The following ANKFN1 variants were observed in gnomAD, a reference collection of about 807,000 sequenced individuals.
ANKFN1 encodes ankyrin repeat and fibronectin type III domain containing 1.
A neutral mutation model predicts 108.7 loss-of-function variants in ANKFN1; 74 were observed. The ratio of observed to expected loss-of-function variants is 0.68; its 90% CI spans 0.56 to 0.83. ANKFN1 has a LOEUF of 0.83. ANKFN1 is among the 40% of genes least tolerant of loss of function. The pLI, the probability that ANKFN1 is intolerant of heterozygous loss-of-function variation, is 0.00. For missense variants in ANKFN1, 1,505 were observed against 1,382.3 expected (o/e 1.09, Z -1.41); for synonymous variants, 547 against 516.2 (o/e 1.06, Z -0.81).
chr17:56,466,281 G>C (rs1030701446), intron 14 of ANKFN1, 75 bp from the exon 15 acceptor site: 1 of 1,279,996 alleles, frequency 7.8e-7, no homozygotes, highest in Non-Finnish European at 1.1e-6. Context: ...TATTATTCAC[G>C]GTGTCTTTTG....
Position 56,482,609 on chromosome 17 carries a change from A to G in ANKFN1, c.2260+85A>G, listed in dbSNP as rs2050747935. 2.7e-6 allele frequency: 4 copies of G among 1,473,290 alleles called. No homozygotes were observed. The South Asian group carries it at 5.6e-5, about 21-fold the overall frequency. 91.3% of individuals were successfully genotyped at this position (1,473,290 alleles called of 1,614,324 possible). On this transcript the variant is annotated intron_variant, in intron 18 of 20. Coordinates refer to ENST00000682825, the MANE Select transcript of ANKFN1 (RefSeq NM_001370326.1). Reference sequence around the variant, plus strand: ...AGTTATATCTGTTCCCCCTTGTCCCAGTGGAGGGTCAATAAATCACATGAT... The same window carrying G: ...AGTTATATCTGTTCCCCCTTGTCCCGGTGGAGGGTCAATAAATCACATGAT...
chr17:56,062,559 C>CTTTTTTTTTTTTTTTTTTTT (rs3085080), intron 4 of ANKFN1, among the ~76,000 whole-genome samples: 3 of 134,506 alleles, frequency 2.2e-5, no homozygotes, highest in Admixed American at 7.2e-5. Context: ...GTAATCTCTG[C>CTTTTTTTTTTTTTTTTTTTT]TTTTTTTTTT....
At chr17:56,078,179 T>G (rs1905202776) in intron 4 of ANKFN1, among the ~76,000 whole-genome samples, 1 of 151,522 alleles carries the variant, frequency 6.6e-6, no homozygotes, top group African/African-American at 2.4e-5. Context: ...GTCTTCTTCA[T>G]GCATATGTGA....
At chr17:56,072,346 A>T (rs950122977) in intron 4 of ANKFN1, among the ~76,000 whole-genome samples, 1 of 152,090 alleles carries the variant, frequency 6.6e-6, no homozygotes, top group Non-Finnish European at 1.5e-5. Context: ...AGGCACACAT[A>T]GTATAGCGCA....
chr17:56,342,242 A>G (rs1425620686), intron 4 of ANKFN1, among the ~76,000 whole-genome samples: 5 of 146,548 alleles, frequency 3.4e-5, no homozygotes, highest in Non-Finnish European at 7.4e-5. Flanking sequence ...TTTTTTTTCA[A>G]AGAAAAAGCT....
chr17:56,138,898 A>C (rs1004721815), intron 4 of ANKFN1, among the ~76,000 whole-genome samples: 1 of 152,098 alleles, frequency 6.6e-6, no homozygotes, highest in African/African-American at 2.4e-5. Flanking sequence ...AAAAGAATTC[A>C]AGTCAAGATT....
At chr17:56,166,952 A>G (rs1910176119) in intron 1 of ANKFN1, among the ~76,000 whole-genome samples, 1 of 152,114 alleles carries the variant, frequency 6.6e-6, no homozygotes. Context: ...GAGATAAATC[A>G]TTGAATCTCT....
intron 4 of ANKFN1, among the ~76,000 whole-genome samples, chr17:56,094,523 AGGCT>A (rs1905486169): frequency 1.5e-5 from 1 of 68,434 alleles, no homozygotes; most frequent in Admixed American, 2.7e-4. Flanking sequence ...TTTTGTCGCC[AGGCT>A]GCCAGGCTGC....
At chr17:56,303,738 G>C (rs892924931) in intron 3 of ANKFN1, among the ~76,000 whole-genome samples, 2 of 151,974 alleles carry the variant, frequency 1.3e-5, no homozygotes, top group Non-Finnish European at 2.9e-5. Context: ...AGGCTGGAGT[G>C]CAGTGGCACA....
intron 8 of ANKFN1, among the ~76,000 whole-genome samples, chr17:56,418,966 A>G (rs1465554512): frequency 6.6e-6 from 1 of 152,156 alleles, no homozygotes; most frequent in Non-Finnish European, 1.5e-5. Flanking sequence ...GCTTGGTTCA[A>G]CTCCGATCTC....
At chr17:56,458,011 A>T (rs369825773) in intron 14 of ANKFN1, 32 bp downstream of exon 14, 9 of 1,571,470 alleles carry the variant, frequency 5.7e-6, no homozygotes, top group African/African-American at 4.1e-5. Context: ...CAGGCCCCCA[A>T]GGAAAATATT....
At chr17:56,094,497 T>C (rs1378181258) in intron 4 of ANKFN1, among the ~76,000 whole-genome samples, 2 of 63,790 alleles carry the variant, frequency 3.1e-5, no homozygotes, top group African/African-American at 8.2e-5. Flanking sequence ...TTTTTTTTTT[T>C]TGAGGCGAAG....
At chr17:56,260,790 TA>T (rs1394623308) in intron 3 of ANKFN1, among the ~76,000 whole-genome samples, 1 of 152,162 alleles carries the variant, frequency 6.6e-6, no homozygotes, top group East Asian at 1.9e-4. Flanking sequence ...ACCTCTCCTT[TA>T]AACAACACTA....
chr17:56,141,923 C>CTTTTTTTTTTT (rs34394014), intron 4 of ANKFN1, among the ~76,000 whole-genome samples: 1 of 95,672 alleles, frequency 1.0e-5, no homozygotes, highest in Non-Finnish European at 1.9e-5. Context: ...CGATGGTGTA[C>CTTTTTTTTTTT]TTTTTTTTTT....
intron 4 of ANKFN1, among the ~76,000 whole-genome samples, chr17:56,333,248 G>C (rs1169256142): frequency 2.0e-5 from 3 of 151,980 alleles, no homozygotes; most frequent in African/African-American, 7.2e-5. Flanking sequence ...TCTGATCTTA[G>C]ATAGAAGAGC....
chr17:56,188,543 A>ATGTGTGTGTGTGTGTGTGTG lies in ANKFN1; in HGVS notation c.-70-24054_-70-24053insGTGTGTGTGTGTGTGTGTGT, dbSNP rs1466873294. Among the ~76,000 whole-genome samples, 17 of 74,174 alleles carry ATGTGTGTGTGTGTGTGTGTG rather than the reference A, an allele frequency of 2.3e-4. 4 individuals carry two copies. Among genetic ancestry groups the ATGTGTGTGTGTGTGTGTGTG allele is most frequent in the African/African-American group, 1.5e-3 (17 of 11,104 alleles). The allele number at this position is 74,174 out of a possible 152,430, so 48.7% of individuals were successfully genotyped here. ...ATATATAAGAAATAAAATAAGATGT[A>ATGTGTGTGTGTGTGTGTGTG]TATGTGTGTGTGTGTGTGTATGTGT... On this transcript the variant is annotated intron_variant, in intron 1 of 20. Transcript: ENST00000682825.
chr17:56,157,158 T>C (rs780142939), intron 1 of ANKFN1, among the ~76,000 whole-genome samples: 3 of 152,116 alleles, frequency 2.0e-5, no homozygotes, highest in Non-Finnish European at 4.4e-5. Context: ...AGAAACACAC[T>C]GGTCACCTGG....
In ANKFN1 at chr17:56,421,834, A is replaced by G. The variant is rs550553692; in HGVS notation, c.911-18493A>G. Among the ~76,000 whole-genome samples, 3 of 152,316 alleles carry G rather than the reference A, an allele frequency of 2.0e-5. No individual in the cohort carries two copies. In the South Asian group the frequency reaches 6.2e-4, roughly 32 times the overall value. ...ATTTCACTCTGGTTCATCAGAATAT[A>G]TTCTGTCTTTATATACATGGAAAAT... On this transcript the variant is annotated intron_variant, in intron 8 of 20. Transcript: ENST00000682825.
chr17:56,100,786 C>T (rs1905631499), intron 4 of ANKFN1, among the ~76,000 whole-genome samples: 1 of 152,170 alleles, frequency 6.6e-6, no homozygotes. Context: ...TGTCCCAATT[C>T]CCAAATTTAG....
Sources: allele counts gnomAD v4.1 joint callset (sites outside exome capture counted in the v4.1 genomes callset), GRCh38; gene constraint gnomAD v4.1.1; transcripts MANE v1.5; gene names NCBI Gene and HGNC (gene_info 2026-07-23, HGNC 2026-07-21).